The following ALK variants were observed in gnomAD, a reference collection of about 807,000 sequenced individuals.
The protein encoded by ALK is ALK tyrosine kinase receptor.
A neutral mutation model predicts 163.1 loss-of-function variants in ALK; 74 were observed. The ratio of observed to expected loss-of-function variants is 0.45; its 90% CI spans 0.38 to 0.55. The LOEUF (loss-of-function observed/expected upper bound fraction) is 0.55, where lower values mean the gene tolerates loss of function less well. Ranked by LOEUF, ALK falls within the 20% of genes least tolerant of loss-of-function variation. The pLI, the probability that ALK is intolerant of heterozygous loss-of-function variation, is 0.00. For missense variants in ALK, 2,063 were observed against 2,105.3 expected (o/e 0.98, Z 0.39); for synonymous variants, 960 against 843.2 (o/e 1.14, Z -2.40).
chr2:29,414,085 C>T (rs1470712976), intron 4 of ALK, among the ~76,000 whole-genome samples: 4 of 152,172 alleles, frequency 2.6e-5, no homozygotes, highest in African/African-American at 9.7e-5. Context: ...ATGAGCAATG[C>T]ATTGTGTTAT....
intron 23 of ALK, among the ~76,000 whole-genome samples, chr2:29,219,104 A>G (rs1384665407): frequency 6.6e-6 from 1 of 152,144 alleles, no homozygotes; most frequent in Non-Finnish European, 1.5e-5. Flanking sequence ...TTTCTCATCC[A>G]TAGAATTGGG....
chr2:29,555,374 GT>G (rs34531089), intron 3 of ALK, among the ~76,000 whole-genome samples: 25,427 of 151,860 alleles, frequency 0.17, 2,457 homozygotes, highest in East Asian at 0.28. Flanking sequence ...GGGCATTTGA[GT>G]TTTTTTTGAG....
At chr2:29,312,086 G>T (rs989157708) in intron 8 of ALK, among the ~76,000 whole-genome samples, 1 of 151,948 alleles carries the variant, frequency 6.6e-6, no homozygotes, top group Non-Finnish European at 1.5e-5. Context: ...TGGGAGAGGG[G>T]TGTTGCCATA....
chr2:29,694,271 A>C (rs976132747), intron 3 of ALK, among the ~76,000 whole-genome samples: 1 of 152,230 alleles, frequency 6.6e-6, no homozygotes, highest in Admixed American at 6.5e-5. Flanking sequence ...TCAAGACCAC[A>C]GGAAGCATCA....
At chr2:29,729,312 G>T (rs1259693225) in intron 1 of ALK, among the ~76,000 whole-genome samples, 2 of 152,158 alleles carry the variant, frequency 1.3e-5, no homozygotes, top group Non-Finnish European at 2.9e-5. Flanking sequence ...GTGAAGAGAG[G>T]CAAAGAGGGA....
chr2:29,199,889 A>C (rs190263385), intron 26 of ALK, among the ~76,000 whole-genome samples: 12 of 152,338 alleles, frequency 7.9e-5, no homozygotes, highest in Non-Finnish European at 1.0e-4. Context: ...ATTGTAGAGA[A>C]CAATAGTTCC....
intron 4 of ALK, among the ~76,000 whole-genome samples, chr2:29,515,281 T>C (rs949998800): frequency 6.6e-6 from 1 of 152,180 alleles, no homozygotes; most frequent in Non-Finnish European, 1.5e-5. Flanking sequence ...CCCTCTGTCA[T>C]GTATCACTGT....
intron 20 of ALK, 40 bp downstream of exon 20, chr2:29,223,302 C>T (rs750786316): frequency 1.7e-5 from 28 of 1,610,508 alleles, no homozygotes; most frequent in Non-Finnish European, 2.3e-5. Context: ...AGCCCCTACA[C>T]TGCACCCCTC....
chr2:29,537,700 C>G (rs558333874), intron 3 of ALK, among the ~76,000 whole-genome samples: 1 of 152,214 alleles, frequency 6.6e-6, no homozygotes, highest in South Asian at 2.1e-4. Context: ...GGTAGAGACA[C>G]TGGCAGCTAG....
At chr2:29,882,233 A>G (rs762878273) in intron 1 of ALK, among the ~76,000 whole-genome samples, 3 of 152,226 alleles carry the variant, frequency 2.0e-5, no homozygotes, top group Non-Finnish European at 4.4e-5. Context: ...TCAGACCGGA[A>G]AGTTTAAAAT....
At chr2:29,278,047 C>A (rs755113413) in intron 9 of ALK, among the ~76,000 whole-genome samples, 2 of 152,032 alleles carry the variant, frequency 1.3e-5, no homozygotes. Context: ...CAGCAGTGTG[C>A]GAGCTCAGAG....
At chr2:29,752,522 GTA>G (rs1443002242) in intron 1 of ALK, among the ~76,000 whole-genome samples, 2 of 151,378 alleles carry the variant, frequency 1.3e-5, no homozygotes, top group Non-Finnish European at 2.9e-5. Context: ...GCTAATTTTT[GTA>G]TTTTTAGTAG....
chr2:29,631,805 C>T (rs1253864050), intron 3 of ALK, among the ~76,000 whole-genome samples: 2 of 152,226 alleles, frequency 1.3e-5, no homozygotes, highest in Non-Finnish European at 2.9e-5. Flanking sequence ...TAATCCCATT[C>T]CATGTGTCCT....
In ALK at chr2:29,275,092, C is replaced by A. The variant is rs1315716995; in HGVS notation, c.2041+7G>T. 6.2e-7 allele frequency: 1 copy of A among 1,614,032 alleles called. No homozygotes were observed. Among genetic ancestry groups the A allele is most frequent in the East Asian group, 2.2e-5 (1 of 44,884 alleles). On this transcript the variant is annotated splice_region_variant and intron_variant, in intron 11 of 28. Coordinates refer to ENST00000389048, the MANE Select transcript of ALK (RefSeq NM_004304.5). ...ACTGTGCTCACATTTGTGAGCTGAACCCTTACCTGTAGGGTCAAAGATGGG... is the reference window on the plus strand; with the variant it reads ...ACTGTGCTCACATTTGTGAGCTGAAACCTTACCTGTAGGGTCAAAGATGGG...
rs1192504999 is a variant in ALK, at chr2:29,220,981, G to T, written c.3516-146C>A. The T allele has an allele frequency of 4.3e-6, 5 of 1,164,288 alleles. No individual in the cohort carries two copies. The Admixed American group carries it at 6.0e-5, about 14-fold the overall frequency. The allele number at this position is 1,164,288 out of a possible 1,614,324, so 72.1% of individuals were successfully genotyped here. ...TAAACATGGGCAGCAGGGGTCCCGG[G>T]CTGAGCCTAAACCCAGAATCTTGCT... On this transcript the variant is annotated intron_variant, in intron 22 of 28. Transcript: ENST00000389048.
intron 5 of ALK, among the ~76,000 whole-genome samples, chr2:29,368,279 G>C (rs1275294395): frequency 1.3e-5 from 2 of 152,152 alleles, no homozygotes; most frequent in African/African-American, 4.8e-5. Context: ...GGCTGGGATG[G>C]TGGTACAGTG....
At chr2:29,619,156 A>G (rs544134621) in intron 3 of ALK, among the ~76,000 whole-genome samples, 14 of 152,328 alleles carry the variant, frequency 9.2e-5, no homozygotes, top group African/African-American at 3.4e-4. Flanking sequence ...TTGCAATAGT[A>G]CCAAGTAACT....
rs1558395174 is a variant in ALK, at chr2:29,583,045, T to TG, written c.953-50930_953-50929insC. ...GCCTGGCTAACTTTTGTTTTTTGTTTTTTTGTTTTTTTTAGTAAAGATGGG... is the reference window on the plus strand; with the variant it reads ...GCCTGGCTAACTTTTGTTTTTTGTTTGTTTTGTTTTTTTTAGTAAAGATGGG... On this transcript the variant is annotated intron_variant, in intron 3 of 28. Transcript: ENST00000389048. 1.3e-4 allele frequency among the ~76,000 whole-genome samples: 20 copies of TG among 150,148 alleles called. No individual in the cohort carries two copies. In the East Asian group the frequency reaches 3.4e-3, roughly 25 times the overall value.
chr2:29,379,780 C>T (rs904957325), intron 5 of ALK, among the ~76,000 whole-genome samples: 1 of 152,178 alleles, frequency 6.6e-6, no homozygotes, highest in Non-Finnish European at 1.5e-5. Context: ...CAGTTGGCTG[C>T]TGCCAAAATT....
Sources: allele counts gnomAD v4.1 joint callset (sites outside exome capture counted in the v4.1 genomes callset), GRCh38; gene constraint gnomAD v4.1.1; transcripts MANE v1.5; gene names NCBI Gene and HGNC (gene_info 2026-07-23, HGNC 2026-07-21).